The following BCAR3 variants were observed in gnomAD, a reference collection of about 807,000 sequenced individuals.
The protein encoded by BCAR3 is BCAR3 adaptor protein, NSP family member.
A neutral mutation model predicts 80.1 loss-of-function variants in BCAR3; 37 were observed. The ratio of observed to expected loss-of-function variants is 0.46; its 90% CI spans 0.36 to 0.61. The LOEUF is 0.61. BCAR3 is among the 20% of genes least tolerant of loss of function. The pLI is 0.00. For missense variants in BCAR3, 978 were observed against 1,068.2 expected (o/e 0.92, Z 1.18); for synonymous variants, 389 against 418.9 (o/e 0.93, Z 0.87).
At chr1:93,719,668 A>G (rs745390849) in intron 2 of BCAR3, among the ~76,000 whole-genome samples, 4 of 152,126 alleles carry the variant, frequency 2.6e-5, no homozygotes, top group African/African-American at 4.8e-5. Context: ...CAATGTGGAA[A>G]TGCAGGCACA....
chr1:93,588,925 C>A, intron 5 of BCAR3, 52 bp downstream of exon 5: 3 of 1,484,456 alleles, frequency 2.0e-6, no homozygotes, highest in Non-Finnish European at 2.7e-6. Context: ...GCCTAACTAA[C>A]CTTGGGCACC....
chr1:93,679,748 C>T (rs1299319332), intron 1 of BCAR3, among the ~76,000 whole-genome samples: 1 of 152,154 alleles, frequency 6.6e-6, no homozygotes, highest in African/African-American at 2.4e-5. Flanking sequence ...TGAACTGAGG[C>T]CCAACTCACT....
At chr1:93,782,927 G>A (rs1236126109) in intron 2 of BCAR3, among the ~76,000 whole-genome samples, 2 of 152,120 alleles carry the variant, frequency 1.3e-5, no homozygotes, top group Non-Finnish European at 2.9e-5. Flanking sequence ...CAAAGAATTA[G>A]TATCCAGAAT....
chr1:93,664,884 G>A (rs1267333886), intron 2 of BCAR3, among the ~76,000 whole-genome samples: 2 of 152,188 alleles, frequency 1.3e-5, no homozygotes, highest in Non-Finnish European at 2.9e-5. Flanking sequence ...TTGTTTGGCT[G>A]CTATCTATCT....
At chr1:93,695,981 C>G (rs1037107021) in intron 3 of BCAR3, among the ~76,000 whole-genome samples, 5 of 152,084 alleles carry the variant, frequency 3.3e-5, no homozygotes, top group Admixed American at 3.3e-4. Flanking sequence ...TGCACTTGGT[C>G]TACTCTGCCT....
At chr1:93,770,887 T>C (rs1652336982) in intron 2 of BCAR3, among the ~76,000 whole-genome samples, 1 of 152,134 alleles carries the variant, frequency 6.6e-6, no homozygotes, top group Non-Finnish European at 1.5e-5. Context: ...ATTTCATCTA[T>C]GCAAGTGGTG....
At chr1:93,773,720 G>A (rs1652439047) in intron 2 of BCAR3, among the ~76,000 whole-genome samples, 1 of 152,114 alleles carries the variant, frequency 6.6e-6, no homozygotes, top group Admixed American at 6.5e-5. Flanking sequence ...GCCTGACCAG[G>A]ACCTCTTAGG....
At chr1:93,847,501 A>C (rs566011891), upstream of BCAR3, 62 of 152,466 alleles carry the variant, frequency 4.1e-4, 1 homozygote, top group Admixed American at 2.2e-3. Context: ...TGACGACGGG[A>C]GGCGCGGTCG....
At chr1:93,626,080 C>G (rs1675448118) in intron 3 of BCAR3, among the ~76,000 whole-genome samples, 1 of 152,152 alleles carries the variant, frequency 6.6e-6, no homozygotes. Flanking sequence ...ATATGATGAG[C>G]AACCAGATCT....
chr1:93,616,618 TA>T (rs1675136900), intron 3 of BCAR3, among the ~76,000 whole-genome samples: 1 of 152,238 alleles, frequency 6.6e-6, no homozygotes, highest in Non-Finnish European at 1.5e-5. Context: ...TAATGTCTTA[TA>T]ATTAAACCTG....
chr1:93,667,302 G>A (rs1208699400), intron 2 of BCAR3, among the ~76,000 whole-genome samples: 2 of 152,232 alleles, frequency 1.3e-5, no homozygotes, highest in African/African-American at 4.8e-5. Context: ...GCTCAACGCA[G>A]ATTCCCAGTA....
chr1:93,841,681 C>T (rs1309658859), intron 2 of BCAR3, among the ~76,000 whole-genome samples: 1 of 152,210 alleles, frequency 6.6e-6, no homozygotes, highest in Non-Finnish European at 1.5e-5. Flanking sequence ...TTTCAATCAG[C>T]CTCCCAAGCC....
intron 3 of BCAR3, among the ~76,000 whole-genome samples, chr1:93,623,499 C>A (rs1361412999): frequency 3.3e-5 from 5 of 152,116 alleles, no homozygotes; most frequent in Non-Finnish European, 7.4e-5. Context: ...AGAGAGACAT[C>A]CCCTTTTCCC....
At chr1:93,738,111 A>T (rs1292408790) in intron 2 of BCAR3, among the ~76,000 whole-genome samples, 1 of 152,148 alleles carries the variant, frequency 6.6e-6, no homozygotes, top group Non-Finnish European at 1.5e-5. Context: ...TGGGGTTACA[A>T]GCATGAGCCA....
chr1:93,604,139 G>A (rs751984156), intron 3 of BCAR3, among the ~76,000 whole-genome samples: 31 of 152,204 alleles, frequency 2.0e-4, no homozygotes, highest in Middle Eastern at 3.4e-3. Context: ...CCAAATGGTC[G>A]TTTTAGTGCC....
intron 2 of BCAR3, among the ~76,000 whole-genome samples, chr1:93,842,715 T>C (rs912832463): frequency 6.6e-6 from 1 of 152,180 alleles, no homozygotes; most frequent in Non-Finnish European, 1.5e-5. Context: ...TTGAATCAAG[T>C]CTGCCCCTAC....
rs1217381018 is a variant in BCAR3, at chr1:93,719,334, G to GTTTTTTTTT, written c.-62-13201_-62-13193dup. 4.4e-4 allele frequency among the ~76,000 whole-genome samples: 32 copies of GTTTTTTTTT among 73,210 alleles called. 3 individuals are homozygous for GTTTTTTTTT. The highest frequency in any genetic ancestry group is 5.0e-4 in the African/African-American group (9 of 18,142). 48.0% of individuals were successfully genotyped at this position (73,210 alleles called of 152,430 possible). On this transcript the variant is annotated intron_variant, in intron 2 of 13. Coordinates refer to the BCAR3 transcript ENST00000370244. ...TTAGTCTCTATATTTAAACTTTCTT[G>GTTTTTTTTT]TTTTTTTTTTTTTTTTTTTTTTTTT... is the stretch of plus-strand genomic sequence containing the variant.
In BCAR3 at chr1:93,592,185, G is replaced by C. The variant is rs1557850249; in HGVS notation, c.486+80C>G. 23 of 1,587,340 alleles carry C rather than the reference G, an allele frequency of 1.4e-5. No individual in the cohort carries two copies. The highest frequency in any genetic ancestry group is 1.8e-5 in the Non-Finnish European group (21 of 1,168,560). On this transcript the variant is annotated intron_variant, in intron 4 of 11. Transcript: ENST00000260502. This position sits in a 1 kb window ranked among gnomAD's most constrained non-coding sequence, Gnocchi z 4.8. The stretch of plus-strand genomic sequence containing the variant: ...AGGTGCTTCCGCCCATGTGGCCTCG[G>C]AGTGGGACCCTGCGGGTCATCAATC...
At chr1:93,731,329 G>A (rs1303000007) in intron 2 of BCAR3, among the ~76,000 whole-genome samples, 3 of 152,144 alleles carry the variant, frequency 2.0e-5, no homozygotes, top group Non-Finnish European at 4.4e-5. Context: ...ATATTCCATG[G>A]GAATATAACA....
Sources: gnomAD v4.1 joint callset for allele counts (sites outside exome capture counted in the v4.1 genomes callset) on GRCh38, gnomAD v4.1.1 for gene constraint, Gnocchi (gnomAD v3.1) non-coding constraint, MANE v1.5 for transcripts, NCBI Gene and HGNC (gene_info 2026-07-23, HGNC 2026-07-21) for gene names.